STK32B: variants seen among roughly 807,000 people sequenced by gnomAD.
STK32B encodes the protein serine/threonine-protein kinase 32B.
Under a neutral mutation model 52.6 loss-of-function variants are expected in STK32B, and 43 were observed. That is an observed-to-expected ratio of 0.82 (90% CI 0.64 to 1.05). STK32B has a LOEUF of 1.05. STK32B is among the 50% of genes least tolerant of loss of function. The probability of loss-of-function intolerance (pLI) is 0.00; values close to 1 mark genes in which losing one functional copy is unlikely to be tolerated. For missense variants in STK32B, 621 were observed against 534.6 expected, an observed-to-expected ratio of 1.16 and a Z score of -1.59; for synonymous variants, 238 against 204.3, an observed-to-expected ratio of 1.17 and a Z score of -1.41.
chr4:5,217,360 G>C (rs1413498811), intron 3 of STK32B, among the ~76,000 whole-genome samples: 1 of 152,168 alleles, frequency 6.6e-6, no homozygotes, highest in Admixed American at 6.5e-5. Flanking sequence ...GAGAAAGGAA[G>C]TCTGCAGAAC....
In STK32B at chr4:5,254,004, C is replaced by CT. The variant is rs556124770; in HGVS notation, c.261-77214dup. Among the ~76,000 whole-genome samples, 49 of 152,180 alleles carry CT rather than the reference C, an allele frequency of 3.2e-4. 1 individual carries two copies. In the South Asian group the frequency reaches 0.01, roughly 32 times the overall value. Reference sequence around the variant, plus strand: ...GTCTCACCATGTTGGCCAGGCTGGTCTTGAACTCCTGACCTCGTGATCCAC... The same window carrying CT: ...GTCTCACCATGTTGGCCAGGCTGGTCTTTGAACTCCTGACCTCGTGATCCAC... On this transcript the variant is annotated intron_variant, in intron 3 of 11. Coordinates refer to ENST00000282908, the MANE Select transcript of STK32B (RefSeq NM_018401.3).
chr4:5,450,258 C>T (rs915046622), intron 7 of STK32B, among the ~76,000 whole-genome samples: 1 of 152,214 alleles, frequency 6.6e-6, no homozygotes, highest in Non-Finnish European at 1.5e-5. Flanking sequence ...TTTGGTGCCC[C>T]AGTCACCCTG....
intron 1 of STK32B, among the ~76,000 whole-genome samples, chr4:5,099,780 C>T (rs550514826): frequency 6.6e-6 from 1 of 152,212 alleles, no homozygotes; most frequent in East Asian, 1.9e-4. Context: ...CTTCTAGGGA[C>T]AGCAGGCACA....
intron 1 of STK32B, among the ~76,000 whole-genome samples, chr4:5,094,998 C>T (rs938958467): frequency 2.0e-5 from 3 of 152,210 alleles, no homozygotes; most frequent in Non-Finnish European, 4.4e-5. Context: ...GAATGAGATG[C>T]GGCTCTTCCT....
chr4:5,310,773 A>G (rs72613202), intron 3 of STK32B, among the ~76,000 whole-genome samples: 19,479 of 152,234 alleles, frequency 0.13, 2,699 homozygotes, highest in African/African-American at 0.35. Flanking sequence ...ATAATAGCCA[A>G]GATATGGCAT....
At chr4:5,282,736 TG>T (rs1434653308) in intron 3 of STK32B, among the ~76,000 whole-genome samples, 2 of 152,106 alleles carry the variant, frequency 1.3e-5, no homozygotes, top group African/African-American at 4.8e-5. Context: ...GACCAGTGGC[TG>T]GGTAGCATAT....
chr4:5,242,329 G>C (rs562406904), intron 3 of STK32B, among the ~76,000 whole-genome samples: 1 of 152,336 alleles, frequency 6.6e-6, no homozygotes, highest in South Asian at 2.1e-4. Flanking sequence ...GATGGCCAGT[G>C]ATGATGAGCA....
At chr4:5,327,875 A>T (rs534263855) in intron 3 of STK32B, among the ~76,000 whole-genome samples, 6 of 152,100 alleles carry the variant, frequency 3.9e-5, no homozygotes, top group African/African-American at 1.2e-4. Flanking sequence ...ATATAAAGCT[A>T]TTTGCTATTT....
At chr4:5,407,277 A>G (rs1577455733) in intron 5 of STK32B, among the ~76,000 whole-genome samples, 1 of 152,122 alleles carries the variant, frequency 6.6e-6, no homozygotes, top group Non-Finnish European at 1.5e-5. Flanking sequence ...TTCATTGTTC[A>G]TATCACTCTG....
intron 3 of STK32B, among the ~76,000 whole-genome samples, chr4:5,287,574 C>G (rs1194141399): frequency 2.0e-5 from 3 of 152,050 alleles, no homozygotes; most frequent in Non-Finnish European, 4.4e-5. Context: ...CTTTTCATCC[C>G]TGAAACCAAG....
chr4:5,461,725 G>A (rs1212355641), intron 9 of STK32B, among the ~76,000 whole-genome samples: 3 of 152,202 alleles, frequency 2.0e-5, no homozygotes, highest in Non-Finnish European at 4.4e-5. Flanking sequence ...CTCCAGACAG[G>A]CTATGGAATG....
At chr4:5,477,927 C>T (rs540587666) in intron 11 of STK32B, among the ~76,000 whole-genome samples, 1 of 152,278 alleles carries the variant, frequency 6.6e-6, no homozygotes, top group South Asian at 2.1e-4. Flanking sequence ...CCCCCACCCA[C>T]ACCAAGAAGG....
intron 1 of STK32B, among the ~76,000 whole-genome samples, chr4:5,078,407 A>G (rs578085874): frequency 2.0e-5 from 3 of 152,310 alleles, no homozygotes; most frequent in Admixed American, 1.3e-4. Context: ...GACTGAAACA[A>G]AACAAACTGA....
chr4:5,356,030 G>A (rs1364299340), intron 4 of STK32B, among the ~76,000 whole-genome samples: 1 of 152,176 alleles, frequency 6.6e-6, no homozygotes, highest in African/African-American at 2.4e-5. Flanking sequence ...CAGGCACTGG[G>A]ATTGGCTGGT....
intron 1 of STK32B, among the ~76,000 whole-genome samples, chr4:5,116,722 C>T (rs377507821): frequency 2.0e-5 from 3 of 152,148 alleles, no homozygotes; most frequent in Non-Finnish European, 1.5e-5. Context: ...ATTGAATCTG[C>T]ACATCACTTT....
At chr4:5,344,932 G>A (rs1010701421) in intron 4 of STK32B, among the ~76,000 whole-genome samples, 2 of 151,880 alleles carry the variant, frequency 1.3e-5, no homozygotes, top group Non-Finnish European at 2.9e-5. Context: ...ACAAGGCTAC[G>A]TGGGAGGCTG....
At chr4:5,236,619 G>A (rs1374535007) in intron 3 of STK32B, among the ~76,000 whole-genome samples, 1 of 152,176 alleles carries the variant, frequency 6.6e-6, no homozygotes, top group Non-Finnish European at 1.5e-5. Flanking sequence ...CACCGTGCCT[G>A]GCACACAGAA....
intron 11 of STK32B, among the ~76,000 whole-genome samples, chr4:5,471,683 G>A (rs184137659): frequency 0.024 from 3,579 of 152,108 alleles, 48 homozygotes; most frequent in African/African-American, 0.04. Context: ...ATGGGGACCA[G>A]CGTTTTAATA....
rs1015129347 is a variant in STK32B at position 5,396,604 on chromosome 4, T to C, written c.435-1603T>C. ...TAACTCTATCTTTAGGCTGTGGCCC[T>C]TGTAGGCATTTTGTAGCTCACATTC... On this transcript the variant is annotated intron_variant, in intron 4 of 11. Coordinates refer to ENST00000282908, the MANE Select transcript of STK32B (RefSeq NM_018401.3). This position sits in a 1 kb window ranked among gnomAD's most constrained non-coding sequence, Gnocchi z 4.7. Among the ~76,000 whole-genome samples the C allele has an allele frequency of 6.6e-6, 1 of 152,130 alleles. No homozygotes were observed. The highest frequency in any genetic ancestry group is 2.4e-5 in the African/African-American group (1 of 41,418).
Sources: allele counts gnomAD v4.1 joint callset (sites outside exome capture counted in the v4.1 genomes callset), GRCh38; gene constraint gnomAD v4.1.1; non-coding constraint Gnocchi (gnomAD v3.1); transcripts MANE v1.5; gene names NCBI Gene and HGNC (gene_info 2026-07-23, HGNC 2026-07-21).